The following DOCK3 variants were observed in gnomAD, a reference collection of about 807,000 sequenced individuals.
DOCK3 encodes the protein dedicator of cytokinesis protein 3.
Under a neutral mutation model 265.6 loss-of-function variants are expected in DOCK3, and 60 were observed. The ratio of observed to expected loss-of-function variants is 0.23; its 90% CI spans 0.18 to 0.28. The LOEUF is 0.28. Ranked by LOEUF, DOCK3 falls within the 10% of genes least tolerant of loss-of-function variation. The probability of loss-of-function intolerance (pLI) is 1.00; values close to 1 mark genes in which losing one functional copy is unlikely to be tolerated. For synonymous variants in DOCK3, 881 were observed against 938.0 expected (o/e 0.94, Z 1.11); for missense variants, 1,981 against 2,594.3 (o/e 0.76, Z 5.14).
At chr3:50,977,916 T>G (rs2077524875) in intron 5 of DOCK3, among the ~76,000 whole-genome samples, 1 of 152,130 alleles carries the variant, frequency 6.6e-6, no homozygotes, top group Non-Finnish European at 1.5e-5. Flanking sequence ...GCTGATACCC[T>G]TTCTTCCAGT....
intron 22 of DOCK3, among the ~76,000 whole-genome samples, 166 bp downstream of exon 22, chr3:51,246,973 G>C (rs1210915278): frequency 2.6e-5 from 4 of 152,096 alleles, no homozygotes; most frequent in Non-Finnish European, 4.4e-5. Flanking sequence ...CCTTGATTTT[G>C]CCCCAGAAAG....
intron 10 of DOCK3, among the ~76,000 whole-genome samples, chr3:51,158,171 G>A (rs1310013716): frequency 1.3e-5 from 2 of 152,126 alleles, no homozygotes; most frequent in African/African-American, 2.4e-5. Context: ...AAGAATTTTT[G>A]TTATTTCAAG....
intron 5 of DOCK3, among the ~76,000 whole-genome samples, chr3:51,010,730 T>G (rs888899451): frequency 2.0e-5 from 3 of 152,234 alleles, no homozygotes; most frequent in Middle Eastern, 3.2e-3. Flanking sequence ...GTCTTTACAA[T>G]TTGGCACGCT....
chr3:51,158,933 A>T (rs1037270758), intron 10 of DOCK3, among the ~76,000 whole-genome samples: 1 of 152,150 alleles, frequency 6.6e-6, no homozygotes, highest in African/African-American at 2.4e-5. Context: ...TTTTTATATG[A>T]TGTTAGAGTA....
intron 9 of DOCK3, among the ~76,000 whole-genome samples, chr3:51,145,990 A>G (rs557627756): frequency 7.2e-5 from 11 of 152,308 alleles, no homozygotes; most frequent in African/African-American, 2.4e-4. Flanking sequence ...CTGATCTGAC[A>G]GGAGGCAGAG....
chr3:50,768,710 T>A (rs2041072479), intron 1 of DOCK3, among the ~76,000 whole-genome samples: 1 of 152,228 alleles, frequency 6.6e-6, no homozygotes, highest in African/African-American at 2.4e-5. Context: ...AGTGCTACAT[T>A]AAACATGGGA....
At chr3:51,176,316 G>A (rs1354161160) in intron 12 of DOCK3, among the ~76,000 whole-genome samples, 1 of 152,008 alleles carries the variant, frequency 6.6e-6, no homozygotes, top group Middle Eastern at 3.2e-3. Flanking sequence ...AAAAAGAATG[G>A]CATGAAAGAA....
intron 12 of DOCK3, among the ~76,000 whole-genome samples, chr3:51,187,204 C>T (rs184222802): frequency 1.4e-4 from 21 of 152,338 alleles, no homozygotes; most frequent in African/African-American, 1.9e-4. Context: ...CTTGCATCAG[C>T]GTGACCTGGA....
intron 19 of DOCK3, among the ~76,000 whole-genome samples, chr3:51,230,467 A>T (rs927171025): frequency 1.3e-5 from 2 of 152,004 alleles, no homozygotes. Flanking sequence ...TTTTATCTGC[A>T]TGGTATTCCA....
At chr3:50,804,545 C>T (rs570538601) in intron 2 of DOCK3, among the ~76,000 whole-genome samples, 27 of 152,218 alleles carry the variant, frequency 1.8e-4, no homozygotes, top group African/African-American at 3.9e-4. Context: ...GAGACCAGCC[C>T]GGCTAACACG....
At chr3:51,067,396 A>G (rs377174391) in intron 6 of DOCK3, among the ~76,000 whole-genome samples, 1 of 148,410 alleles carries the variant, frequency 6.7e-6, no homozygotes, top group East Asian at 2.0e-4. Flanking sequence ...GGGCTATTCC[A>G]ATTTCATGAC....
intron 3 of DOCK3, among the ~76,000 whole-genome samples, chr3:50,855,941 G>T (rs1412361576): frequency 1.3e-5 from 2 of 152,116 alleles, no homozygotes; most frequent in Non-Finnish European, 2.9e-5. Flanking sequence ...GCAGTGTTTG[G>T]TTTTCTGTTC....
chr3:51,033,775 G>C (rs868846034), intron 5 of DOCK3, among the ~76,000 whole-genome samples: 20 of 152,248 alleles, frequency 1.3e-4, no homozygotes, highest in Middle Eastern at 3.4e-3. Flanking sequence ...GATGTGGTGG[G>C]TGGTCTGTGG....
chr3:50,921,829 C>G (rs547157870), intron 4 of DOCK3, among the ~76,000 whole-genome samples: 2 of 152,108 alleles, frequency 1.3e-5, no homozygotes, highest in African/African-American at 4.8e-5. Flanking sequence ...CACTCCAGAC[C>G]CTGTTTGCCT....
chr3:51,219,278 A>G (rs1041552615), intron 14 of DOCK3, among the ~76,000 whole-genome samples: 1 of 152,080 alleles, frequency 6.6e-6, no homozygotes, highest in Non-Finnish European at 1.5e-5. Flanking sequence ...GCAGAGATGA[A>G]GATAGTTGGG....
At chr3:50,804,067 G>A (rs1222112396) in intron 2 of DOCK3, among the ~76,000 whole-genome samples, 1 of 151,484 alleles carries the variant, frequency 6.6e-6, no homozygotes, top group Non-Finnish European at 1.5e-5. Context: ...AGACGGGGTC[G>A]CGGCCGGGCA....
chr3:50,886,937 A>G (rs2048372592), intron 3 of DOCK3, among the ~76,000 whole-genome samples: 1 of 152,134 alleles, frequency 6.6e-6, no homozygotes, highest in Admixed American at 6.6e-5. Context: ...ACACCCTAAC[A>G]TCACAATTAA....
intron 5 of DOCK3, among the ~76,000 whole-genome samples, chr3:51,031,266 G>A (rs1171704027): frequency 6.6e-6 from 1 of 152,068 alleles, no homozygotes; most frequent in African/African-American, 2.4e-5. Flanking sequence ...AATTTTAAGG[G>A]TTGAGCCTTA....
intron 7 of DOCK3, among the ~76,000 whole-genome samples, chr3:51,082,945 C>T (rs2082294838): frequency 6.6e-6 from 1 of 152,178 alleles, no homozygotes; most frequent in African/African-American, 2.4e-5. Context: ...CACACCACTG[C>T]TACTGCCATT....
Sources: gnomAD v4.1 joint callset for allele counts (sites outside exome capture counted in the v4.1 genomes callset) on GRCh38, gnomAD v4.1.1 for gene constraint, MANE v1.5 for transcripts, NCBI Gene and HGNC (gene_info 2026-07-23, HGNC 2026-07-21) for gene names.